Variants in GIT1 observed in about 807,000 individuals in gnomAD.
The protein encoded by GIT1 is ARF GTPase-activating protein GIT1.
In GIT1, 14 loss-of-function variants were observed where a neutral mutation model predicts 91.7. That is an observed-to-expected ratio of 0.15 (90% CI 0.10 to 0.24). The LOEUF (loss-of-function observed/expected upper bound fraction) is 0.24, where lower values mean the gene tolerates loss of function less well. Ranked by LOEUF, GIT1 falls within the 10% of genes least tolerant of loss-of-function variation. The pLI is 1.00. For missense variants in GIT1, 717 were observed against 1,024.9 expected, an observed-to-expected ratio of 0.70 and a Z score of 4.10; for synonymous variants, 414 against 418.2, an observed-to-expected ratio of 0.99 and a Z score of 0.12.
chr17:29,574,431 T>C lies in GIT1; in HGVS notation c.*271A>G, dbSNP rs983153554. The C allele has an allele frequency of 8.0e-6, 4 of 500,010 alleles. No individual in the cohort carries two copies. The Admixed American group carries it at 1.4e-4, about 17-fold the overall frequency. 31.0% of individuals were successfully genotyped at this position (500,010 alleles called of 1,614,324 possible). On this transcript the variant is annotated 3_prime_UTR_variant, in exon 20 of 20. Transcript: ENST00000225394. ...AAGGCGAGGGGCTGGGAGTGATGCCTTGCAGGCCCCTGCTCACTAGGAGGG... is the reference window on the plus strand; with the variant it reads ...AAGGCGAGGGGCTGGGAGTGATGCCCTGCAGGCCCCTGCTCACTAGGAGGG...
rs552557259 is a variant in GIT1 at position 29,585,432 on chromosome 17, C to T, written c.53-1816G>A. The stretch of plus-strand genomic sequence containing the variant: ...AGGCATGGAAGGCTGACTATATATC[C>T]ACGGCCAATGGCTCCAGAGCCCTAA... On this transcript the variant is annotated intron_variant, in intron 1 of 19. Transcript: ENST00000225394. 2.2e-4 allele frequency among the ~76,000 whole-genome samples: 33 copies of T among 152,328 alleles called. No homozygotes were observed. The South Asian group carries it at 6.8e-3, about 32-fold the overall frequency.
Position 29,581,220 on chromosome 17 carries a change from T to C in GIT1, c.761+118A>G. On this transcript the variant is annotated intron_variant, in intron 7 of 19. Transcript: ENST00000225394. This position sits in a 1 kb window ranked among gnomAD's most constrained non-coding sequence, Gnocchi z 4.8. ...ACTGAGGACTAAGCTGTGCCTCTAGTCTCTGGGGGGAGGGAGCAGGGTCCT... is the reference window on the plus strand; with the variant it reads ...ACTGAGGACTAAGCTGTGCCTCTAGCCTCTGGGGGGAGGGAGCAGGGTCCT... 1 of 767,854 alleles carries C rather than the reference T, an allele frequency of 1.3e-6. No individual in the cohort carries two copies. Among genetic ancestry groups the C allele is most frequent in the East Asian group, 2.5e-5 (1 of 39,386 alleles). 47.6% of individuals were successfully genotyped at this position (767,854 alleles called of 1,614,324 possible).
rs754853321 is a variant in GIT1, at chr17:29,581,935, G to C, written c.615C>G (p.Asp205Glu). 25 of 1,609,734 alleles carry C rather than the reference G, an allele frequency of 1.6e-5. No homozygotes were observed. In the South Asian group the frequency reaches 2.7e-4, roughly 18 times the overall value. Residue 205 changes from aspartate to glutamate, a missense_variant, in exon 5 of 20, where the codon GAC (aspartate) becomes GAG (glutamate). Physicochemically the swap from Asp to Glu is conservative, Grantham distance 45. Coordinates refer to ENST00000225394, the MANE Select transcript of GIT1 (RefSeq NM_014030.4). This position sits in a 1 kb window ranked among gnomAD's most constrained non-coding sequence, Gnocchi z 4.8. ...CTTCAGCCGACCCTCACCTGGCATA[G>C]TCAATGGGTGTGCGGCCATTAACAT... ...SPDVNGRTPI[D>E]YARQAGHHEL...
At chr17:29,578,979 T>C (rs1567771982) in intron 7 of GIT1, 200 bp from the exon 8 acceptor site, 2 of 1,613,932 alleles carry the variant, frequency 1.2e-6, no homozygotes, top group Non-Finnish European at 1.7e-6. Flanking sequence ...ACATGCACTT[T>C]TGCCGAGATC....
chr17:29,583,652 A>G lies in GIT1; in HGVS notation c.53-36T>C, dbSNP rs55677628. ...GAGGGCAAGGGTCAGCCGGAGCCAG[A>G]TGATGGGCCAGACCTCCTGAGCACC... On this transcript the variant is annotated intron_variant, in intron 1 of 19. Transcript: ENST00000225394. 4,122 of 1,545,088 alleles carry G rather than the reference A, an allele frequency of 2.7e-3. 69 individuals carry two copies. The African/African-American group carries it at 0.033, about 12-fold the overall frequency.
At position 29,576,618 on chromosome 17, in the gene GIT1, C is replaced by G. The variant is rs769868883; in HGVS notation, c.1284G>C (p.Glu428Asp). 1.3e-5 allele frequency: 21 copies of G among 1,613,922 alleles called. No homozygotes were observed. Among genetic ancestry groups the G allele is most frequent in the Non-Finnish European group, 1.7e-5 (20 of 1,180,006 alleles). ...DGAVTLQEYL[E>D]LKKALATSEA... is the part of the protein sequence containing the mutation. ...CCGATGTAGCCAGGGCCTTCTTCAG[C>G]TCCAGGTACTCCTGCAGCGTCACAG... Residue 428 changes from glutamate to aspartate, a missense_variant, in exon 13 of 20, where the codon GAG becomes GAC. Glu to Asp is a conservative substitution (Grantham distance 45). This residue lies in a region of GIT1 where 312 missense variants were observed against 349.5 expected (regional missense o/e 0.89). Transcript: ENST00000225394.
intron 1 of GIT1, among the ~76,000 whole-genome samples, chr17:29,587,854 C>T (rs2033644419): frequency 6.6e-6 from 1 of 152,140 alleles, no homozygotes; most frequent in African/African-American, 2.4e-5. Flanking sequence ...CCATGCTTAC[C>T]CCACGGAGTT....
In GIT1 at chr17:29,575,249, AG is replaced by A; in HGVS notation, c.2009+38del. On this transcript the variant is annotated intron_variant, in intron 18 of 19. Coordinates refer to ENST00000225394, the MANE Select transcript of GIT1 (RefSeq NM_014030.4). The surrounding 1 kb of genome is among the most constrained non-coding windows in gnomAD (Gnocchi z 5.5). ...TCTCTGCAACACCCTAGAAGCCAAC[AG>A]GAACTGCATCCCCCTCACCTCCCCC... The A allele has an allele frequency of 6.3e-7, 1 of 1,585,516 alleles. No homozygotes were observed. The highest frequency in any genetic ancestry group is 8.6e-7 in the Non-Finnish European group (1 of 1,161,920).
rs1174315989 is a variant in GIT1, at chr17:29,574,546, G to A, written c.*156C>T. 4.2e-6 allele frequency: 3 copies of A among 713,384 alleles called. No homozygotes were observed. The highest frequency in any genetic ancestry group is 7.5e-6 in the Non-Finnish European group (3 of 399,098). 44.2% of individuals were successfully genotyped at this position (713,384 alleles called of 1,614,324 possible). The stretch of plus-strand genomic sequence containing the variant: ...CCTCCCCATCCTTAGGGGCTCGACA[G>A]GGGTGGGCACCAGGGCACCTGGCTG... On this transcript the variant is annotated 3_prime_UTR_variant, in exon 20 of 20. Transcript: ENST00000225394.
intron 1 of GIT1, among the ~76,000 whole-genome samples, chr17:29,584,959 C>CTTTTTTTT: frequency 9.8e-6 from 1 of 102,398 alleles, no homozygotes; most frequent in Non-Finnish European, 1.9e-5. Context: ...TGGGTTTAGG[C>CTTTTTTTT]TTTTTTTTTT....
chr17:29,575,545 C>T lies in GIT1; in HGVS notation c.1827-75G>A, dbSNP rs1046118644. 6 of 1,563,384 alleles carry T rather than the reference C, an allele frequency of 3.8e-6. No individual in the cohort carries two copies. The highest frequency in any genetic ancestry group is 5.2e-6 in the Non-Finnish European group (6 of 1,144,466). On this transcript the variant is annotated intron_variant, in intron 17 of 19. Coordinates refer to ENST00000225394, the MANE Select transcript of GIT1 (RefSeq NM_014030.4). This position sits in a 1 kb window ranked among gnomAD's most constrained non-coding sequence, Gnocchi z 5.5. ...CACGTTCCAGCCTCGGAGCCGCCCGCCTTGGTCCTCACACACTGGGGGCCC... is the reference window on the plus strand; with the variant it reads ...CACGTTCCAGCCTCGGAGCCGCCCGTCTTGGTCCTCACACACTGGGGGCCC...
In GIT1 at chr17:29,581,154, G is replaced by A; in HGVS notation, c.761+184C>T. The A allele has an allele frequency of 1.6e-6, 1 of 622,044 alleles. No homozygotes were observed. Among genetic ancestry groups the A allele is most frequent in the South Asian group, 1.8e-5 (1 of 55,020 alleles). 38.5% of individuals were successfully genotyped at this position (622,044 alleles called of 1,614,324 possible). A position where few individuals can be genotyped will look rare whatever the true frequency, so the allele number is the denominator to read the frequency against. On this transcript the variant is annotated intron_variant, in intron 7 of 19. Transcript: ENST00000225394. The surrounding 1 kb of genome is among the most constrained non-coding windows in gnomAD (Gnocchi z 4.8). ...GCTCAGGCTATGCGGGCCACATATG[G>A]AGCTGACATTTTTTACCTGCCTTGG... is the stretch of plus-strand genomic sequence containing the variant.
chr17:29,586,742 G>C (rs897670952), intron 1 of GIT1, among the ~76,000 whole-genome samples: 2 of 152,242 alleles, frequency 1.3e-5, no homozygotes, highest in Admixed American at 1.3e-4. Context: ...AAGCCCATGG[G>C]GTGAGGAGAG....
At position 29,576,380 on chromosome 17, in the gene GIT1, G is replaced by A; in HGVS notation, c.1451C>T (p.Pro484Leu). 4 of 1,613,480 alleles carry A rather than the reference G, an allele frequency of 2.5e-6. No homozygotes were observed. Among genetic ancestry groups the A allele is most frequent in the Non-Finnish European group, 3.4e-6 (4 of 1,179,974 alleles). ...PPGPVPTPPL[P>L]SERAEHTPMA... The stretch of plus-strand genomic sequence containing the variant: ...GGGTGTGTGTTCCGCCCGTTCACTG[G>A]GGAGTGGAGGTGTGGGCACCGGCCC... Residue 484 changes from proline to leucine, a missense_variant, in exon 14 of 20, where the codon CCC becomes CTC. By Grantham distance (98) the Pro-to-Leu change is moderately conservative (BLOSUM62 -3). Transcript: ENST00000225394.
intron 4 of GIT1, 152 bp from the exon 5 acceptor site, chr17:29,582,296 AG>A: frequency 1.6e-6 from 1 of 627,266 alleles, no homozygotes. Flanking sequence ...GCTTCCCGCT[AG>A]GGGTTAATGC....
In GIT1 at chr17:29,574,591, T is replaced by G. The variant is rs2033117421; in HGVS notation, c.*111A>C. 2 of 949,138 alleles carry G rather than the reference T, an allele frequency of 2.1e-6. No homozygotes were observed. Among genetic ancestry groups the G allele is most frequent in the East Asian group, 4.8e-5 (2 of 41,814 alleles). 58.8% of individuals were successfully genotyped at this position (949,138 alleles called of 1,614,324 possible). A position where few individuals can be genotyped will look rare whatever the true frequency, so the allele number is the denominator to read the frequency against. On this transcript the variant is annotated 3_prime_UTR_variant, in exon 20 of 20. Transcript: ENST00000225394. ...TGGCTGCCAGGGAGTGTGGCAGCAC[T>G]AAGGGCACTTGTGCCAGTGGCTCTG...
Position 29,575,914 on chromosome 17 carries a change from G to T in GIT1, c.1666-16C>A. ...CTTTCCGGATCTGAAACCCAGGGCA[G>T]CGCTGGATGGAGTCAGTGTGCCCCA... On this transcript the variant is annotated splice_polypyrimidine_tract_variant and intron_variant, in intron 15 of 19. Transcript: ENST00000225394. This position sits in a 1 kb window ranked among gnomAD's most constrained non-coding sequence, Gnocchi z 5.5. 1.3e-6 allele frequency: 2 copies of T among 1,595,234 alleles called. No homozygotes were observed. The highest frequency in any genetic ancestry group is 1.7e-6 in the Non-Finnish European group (2 of 1,168,590).
At chr17:29,580,246 A>G (rs1218910710) in intron 7 of GIT1, among the ~76,000 whole-genome samples, 1 of 152,210 alleles carries the variant, frequency 6.6e-6, no homozygotes, top group African/African-American at 2.4e-5. Flanking sequence ...TGTTGAATGG[A>G]GCCCATATTT....
intron 19 of GIT1, 72 bp from the exon 20 acceptor site, chr17:29,574,986 G>A: frequency 6.7e-7 from 1 of 1,484,664 alleles, no homozygotes; most frequent in Non-Finnish European, 9.2e-7. Context: ...CAGTTTGTCT[G>A]TGTCTCCACC....
Sources: gnomAD v4.1 joint callset for allele counts (sites outside exome capture counted in the v4.1 genomes callset) on GRCh38, gnomAD v4.1.1 for gene constraint, gnomAD v4.1.1 regional missense constraint, Gnocchi (gnomAD v3.1) non-coding constraint, MANE v1.5 for transcripts, NCBI Gene and HGNC (gene_info 2026-07-23, HGNC 2026-07-21) for gene names.